The following PCDHGA4 variants were observed in gnomAD, a reference collection of about 807,000 sequenced individuals.
PCDHGA4 encodes the protein protocadherin gamma-A4.
Under a neutral mutation model 54.6 loss-of-function variants are expected in PCDHGA4, and 38 were observed. The ratio of observed to expected loss-of-function variants is 0.70; its 90% CI spans 0.54 to 0.91. The LOEUF (loss-of-function observed/expected upper bound fraction) is 0.91, where lower values mean the gene tolerates loss of function less well. Among genes scored for constraint, PCDHGA4 ranks in the 40% least tolerant of loss-of-function variants. PCDHGA4 has a pLI of 0.00. For synonymous variants in PCDHGA4, 511 were observed against 512.9 expected (o/e 1.00, Z 0.05); for missense variants, 1,298 against 1,220.9 (o/e 1.06, Z -0.94).
chr5:141,409,644 TG>T, intron 1 of PCDHGA4: 1 of 1,613,700 alleles, frequency 6.2e-7, no homozygotes, highest in Non-Finnish European at 8.5e-7. Flanking sequence ...GACCCGGATT[TG>T]GGGCTCAATG....
At chr5:141,410,508 G>C in intron 1 of PCDHGA4, 2 of 1,613,968 alleles carry the variant, frequency 1.2e-6, no homozygotes, top group Non-Finnish European at 8.5e-7. Flanking sequence ...TTCCTAAAAT[G>C]CAGTGTGCCC....
At chr5:141,415,638 T>G in intron 1 of PCDHGA4, 1 of 1,598,954 alleles carries the variant, frequency 6.3e-7, no homozygotes, top group Non-Finnish European at 8.5e-7. Flanking sequence ...TTTTTACTTT[T>G]GTTAAAAAAA....
chr5:141,387,661 G>C (rs2091032284), intron 1 of PCDHGA4: 2 of 656,114 alleles, frequency 3.0e-6, no homozygotes, highest in East Asian at 5.7e-5. Context: ...AGAGCTTGGC[G>C]CTCCAGATCT....
chr5:141,427,881 C>T (rs774499492), intron 1 of PCDHGA4: 6 of 1,563,720 alleles, frequency 3.8e-6, no homozygotes, highest in South Asian at 3.3e-5. Context: ...GATGCAGGCC[C>T]ACGACCAGGG....
intron 2 of PCDHGA4, among the ~76,000 whole-genome samples, chr5:141,496,767 T>C (rs2099771224): frequency 6.6e-6 from 1 of 152,040 alleles, no homozygotes; most frequent in Non-Finnish European, 1.5e-5. Flanking sequence ...ATCGAGCATC[T>C]ACTATGAGCA....
chr5:141,486,017 A>C lies in PCDHGA4; in HGVS notation c.2515-8790A>C, dbSNP rs746747518. 1 of 1,614,176 alleles carries C rather than the reference A, an allele frequency of 6.2e-7. No homozygotes were observed. The highest frequency in any genetic ancestry group is 8.5e-7 in the Non-Finnish European group (1 of 1,180,038). ...CAGTGGTAACGTCACCTTTTATTTC[A>C]GTGGTCATACCCCTGATCGTGTAAG... On this transcript the variant is annotated intron_variant, in intron 1 of 3. Coordinates refer to ENST00000571252, the MANE Select transcript of PCDHGA4 (RefSeq NM_018917.4). This position sits in a 1 kb window ranked among gnomAD's most constrained non-coding sequence, Gnocchi z 5.0.
In PCDHGA4 at chr5:141,400,210, A is replaced by C. The variant is rs201102949; in HGVS notation, c.2514+42589A>C. 1.2e-3 allele frequency: 1,976 copies of C among 1,613,732 alleles called. 4 individuals are homozygous for C. The highest frequency in any genetic ancestry group is 1.6e-3 in the Non-Finnish European group (1,832 of 1,179,862). ...TTACCTAGTGGTGGCCTTGGCCTTG[A>C]TCTCAGTGCTCTTCCTCCTGGCCGT... On this transcript the variant is annotated intron_variant, in intron 1 of 3. Coordinates refer to ENST00000571252, the MANE Select transcript of PCDHGA4 (RefSeq NM_018917.4).
chr5:141,372,461 GTTTCACC>G, intron 1 of PCDHGA4: 1 of 1,614,040 alleles, frequency 6.2e-7, no homozygotes, highest in South Asian at 1.1e-5. Context: ...CGGAGCTACA[GTTTCACC>G]TAGTAGTGGC....
At chr5:141,498,429 G>T (rs1595525351) in intron 2 of PCDHGA4, among the ~76,000 whole-genome samples, 1 of 152,290 alleles carries the variant, frequency 6.6e-6, no homozygotes, top group East Asian at 1.9e-4. Flanking sequence ...GGAGTGAGGG[G>T]ATGAAGAGGA....
chr5:141,394,521 G>C, intron 1 of PCDHGA4: 1 of 1,614,212 alleles, frequency 6.2e-7, no homozygotes, highest in Non-Finnish European at 8.5e-7. Context: ...CCTCCCCACA[G>C]ACGGTTCCAC....
intron 1 of PCDHGA4, chr5:141,374,258 T>C: frequency 2.5e-6 from 4 of 1,613,924 alleles, no homozygotes; most frequent in East Asian, 2.2e-5. Flanking sequence ...GCCCCAGGAG[T>C]TGGCGGAGCA....
At position 141,366,470 on chromosome 5, in the gene PCDHGA4, C is replaced by T. The variant is rs374198651; in HGVS notation, c.2514+8849C>T. 3.1e-6 allele frequency: 5 copies of T among 1,614,136 alleles called. No individual in the cohort carries two copies. In the African/African-American group the frequency reaches 6.7e-5, roughly 22 times the overall value. On this transcript the variant is annotated intron_variant, in intron 1 of 3. Transcript: ENST00000571252. ...GGCCTTCGTCATCGTGCTGCTGGTG[C>T]TCAGACTGAGGCGCTGGCACAAGTC...
At chr5:141,454,977 T>C (rs1357011192) in intron 1 of PCDHGA4, among the ~76,000 whole-genome samples, 6 of 151,508 alleles carry the variant, frequency 4.0e-5, no homozygotes, top group Non-Finnish European at 8.8e-5. Context: ...CTGGCTAATT[T>C]TTTAAAAAAT....
chr5:141,457,579 A>G (rs557894260), intron 1 of PCDHGA4, among the ~76,000 whole-genome samples: 123 of 152,346 alleles, frequency 8.1e-4, no homozygotes, highest in Non-Finnish European at 1.4e-3. Flanking sequence ...TTTTCTCTCC[A>G]GTCCTCATTT....
intron 1 of PCDHGA4, among the ~76,000 whole-genome samples, chr5:141,436,742 G>A (rs568532036): frequency 3.9e-4 from 59 of 152,304 alleles, no homozygotes; most frequent in Non-Finnish European, 7.1e-4. Flanking sequence ...ATTTTTGTGT[G>A]CTTCTCCATA....
Position 141,489,857 on chromosome 5 carries a change from C to T in PCDHGA4, c.2515-4950C>T. 2 of 1,614,166 alleles carry T rather than the reference C, an allele frequency of 1.2e-6. No individual in the cohort carries two copies. On this transcript the variant is annotated intron_variant, in intron 1 of 3. Coordinates refer to ENST00000571252, the MANE Select transcript of PCDHGA4 (RefSeq NM_018917.4). This position sits in a 1 kb window ranked among gnomAD's most constrained non-coding sequence, Gnocchi z 4.5. ...CAGCAGCTGGATCGTGAAGCCCAGGCAAGACATCAGCTGGTGCTTACTGCT... is the reference window on the plus strand; with the variant it reads ...CAGCAGCTGGATCGTGAAGCCCAGGTAAGACATCAGCTGGTGCTTACTGCT...
At position 141,486,837 on chromosome 5, in the gene PCDHGA4, T is replaced by G; in HGVS notation, c.2515-7970T>G. The G allele has an allele frequency of 6.2e-7, 1 of 1,614,256 alleles. No individual in the cohort carries two copies. The highest frequency in any genetic ancestry group is 8.5e-7 in the Non-Finnish European group (1 of 1,180,044). ...AGCACTGTAACAGTTCGTCTATTTG[T>G]GCTGGACCTCAATGACAATGCTCCA... On this transcript the variant is annotated intron_variant, in intron 1 of 3. Transcript: ENST00000571252. The surrounding 1 kb of genome is among the most constrained non-coding windows in gnomAD (Gnocchi z 5.0).
At position 141,491,597 on chromosome 5, in the gene PCDHGA4, A is replaced by T. The variant is rs1389838814; in HGVS notation, c.2515-3210A>T. Reference sequence around the variant, plus strand: ...TTTTCACCGGCCTCGGACGGCAGTGACTTCACTTTTCTAAGACCCCTCAGC... The same window carrying T: ...TTTTCACCGGCCTCGGACGGCAGTGTCTTCACTTTTCTAAGACCCCTCAGC... On this transcript the variant is annotated intron_variant, in intron 1 of 3. Coordinates refer to ENST00000571252, the MANE Select transcript of PCDHGA4 (RefSeq NM_018917.4). This position sits in a 1 kb window ranked among gnomAD's most constrained non-coding sequence, Gnocchi z 6.9. 1.2e-6 allele frequency: 2 copies of T among 1,613,788 alleles called. No individual in the cohort carries two copies. The highest frequency in any genetic ancestry group is 1.7e-6 in the Non-Finnish European group (2 of 1,180,012).
chr5:141,390,837 T>C (rs1299248607), intron 1 of PCDHGA4: 1 of 163,140 alleles, frequency 6.1e-6, no homozygotes. Flanking sequence ...ATGGACCCCT[T>C]GTGATTATAT....
Sources: allele counts gnomAD v4.1 joint callset (sites outside exome capture counted in the v4.1 genomes callset), GRCh38; gene constraint gnomAD v4.1.1; non-coding constraint Gnocchi (gnomAD v3.1); transcripts MANE v1.5; gene names NCBI Gene and HGNC (gene_info 2026-07-23, HGNC 2026-07-21).